The following C12orf42 variants were observed in gnomAD, a reference collection of about 807,000 sequenced individuals.
C12orf42 encodes chromosome 12 open reading frame 42, also known as uncharacterized protein C12orf42.
A neutral mutation model predicts 21.6 loss-of-function variants in C12orf42; 25 were observed. That is an observed-to-expected ratio of 1.16 (90% CI 0.84 to 1.62). The LOEUF (loss-of-function observed/expected upper bound fraction) is 1.62, where lower values mean the gene tolerates loss of function less well. Among genes scored for constraint, C12orf42 ranks in the 40% most tolerant of loss-of-function variants. The probability of loss-of-function intolerance (pLI) is 0.00; values close to 1 mark genes in which losing one functional copy is unlikely to be tolerated. For missense variants in C12orf42, 483 were observed against 459.3 expected (o/e 1.05, Z -0.47); for synonymous variants, 174 against 175.0 (o/e 0.99, Z 0.05).
chr12:103,369,634 T>C (rs1347634296), intron 3 of C12orf42, among the ~76,000 whole-genome samples: 1 of 151,800 alleles, frequency 6.6e-6, no homozygotes, highest in African/African-American at 2.4e-5. Context: ...CTTTGTCACC[T>C]TGAAATGGCA....
At chr12:103,115,548 C>T in the C12orf42 span, among the ~76,000 whole-genome samples, 1 of 152,178 alleles carries the variant, frequency 6.6e-6, no homozygotes. Flanking sequence ...TAGTTTTGGC[C>T]TTAGTACTCA....
downstream of C12orf42, among the ~76,000 whole-genome samples, chr12:103,299,758 A>G (rs1593327427): frequency 6.6e-6 from 1 of 152,220 alleles, no homozygotes; most frequent in East Asian, 1.9e-4. Flanking sequence ...GGTATTGGGA[A>G]AGAATTCACT....
intron 5 of C12orf42, chr12:103,270,354 A>C (rs1047621541): frequency 6.9e-6 from 1 of 145,110 alleles, no homozygotes; most frequent in Non-Finnish European, 1.5e-5. Flanking sequence ...GTAAGGAGGG[A>C]AGGAAGGAAG....
intron 1 of C12orf42, among the ~76,000 whole-genome samples, chr12:103,492,921 C>T (rs1955272671): frequency 6.6e-6 from 1 of 152,206 alleles, no homozygotes; most frequent in African/African-American, 2.4e-5. Flanking sequence ...CCTCTTCACC[C>T]CACGCAAGCA....
At chr12:103,429,447 C>T (rs1180333455) in intron 2 of C12orf42, among the ~76,000 whole-genome samples, 5 of 152,138 alleles carry the variant, frequency 3.3e-5, no homozygotes, top group Non-Finnish European at 7.3e-5. Context: ...GAACTACAAA[C>T]CATTGCTCAA....
chr12:103,158,047 TAAG>T, the C12orf42 span, among the ~76,000 whole-genome samples: 1 of 152,192 alleles, frequency 6.6e-6, no homozygotes, highest in South Asian at 2.1e-4. Context: ...AAGAGGATAT[TAAG>T]AAACAATAAA....
chr12:103,354,120 C>T (rs1017114191), intron 4 of C12orf42, among the ~76,000 whole-genome samples: 1 of 152,142 alleles, frequency 6.6e-6, no homozygotes, highest in African/African-American at 2.4e-5. Flanking sequence ...GTCATCTGCA[C>T]AAAACCTCTG....
At position 103,385,846 on chromosome 12, in the gene C12orf42, A is replaced by G. The variant is rs76892247; in HGVS notation, c.147+15761T>C. On this transcript the variant is annotated intron_variant, in intron 3 of 5. Coordinates refer to ENST00000548883, the MANE Select transcript of C12orf42 (RefSeq NM_198521.5). The stretch of plus-strand genomic sequence containing the variant: ...TACCCTCACACTTTGCTTAAAATCA[A>G]CCTTTGGTGATGGATATAAAGAGAA... Among the ~76,000 whole-genome samples the G allele has an allele frequency of 4.1e-3, 627 of 152,304 alleles. 7 individuals are homozygous for G. Among genetic ancestry groups the G allele is most frequent in the African/African-American group, 0.014 (588 of 41,570 alleles).
chr12:103,159,190 A>T, the C12orf42 span, among the ~76,000 whole-genome samples: 1 of 152,196 alleles, frequency 6.6e-6, no homozygotes. Flanking sequence ...CATAAAGGCT[A>T]CAATTAGACT....
At chr12:103,093,658 C>T in the C12orf42 span, among the ~76,000 whole-genome samples, 1 of 152,130 alleles carries the variant, frequency 6.6e-6, no homozygotes, top group Non-Finnish European at 1.5e-5. Context: ...GCCTGCATTC[C>T]TGGGGACAGA....
At chr12:103,382,711 G>A (rs12369026) in intron 3 of C12orf42, among the ~76,000 whole-genome samples, 23,087 of 152,222 alleles carry the variant, frequency 0.15, 1,992 homozygotes, top group South Asian at 0.22. Flanking sequence ...CTAAAGGACA[G>A]TTAATCATTC....
the C12orf42 span, among the ~76,000 whole-genome samples, chr12:103,122,825 C>G: frequency 6.6e-6 from 1 of 152,030 alleles, no homozygotes; most frequent in Non-Finnish European, 1.5e-5. Flanking sequence ...GTTAGGGAGT[C>G]CTTGGAGGAT....
chr12:103,089,423 G>A, the C12orf42 span, among the ~76,000 whole-genome samples: 1 of 152,180 alleles, frequency 6.6e-6, no homozygotes, highest in Non-Finnish European at 1.5e-5. Flanking sequence ...GAACACTTAG[G>A]AAAATAAATA....
the C12orf42 span, among the ~76,000 whole-genome samples, chr12:103,546,867 A>G: frequency 6.6e-6 from 1 of 152,222 alleles, no homozygotes; most frequent in Admixed American, 6.5e-5. Context: ...GAGAAAAGGA[A>G]CATCTTTGTC....
chr12:103,485,668 T>C (rs948324069), intron 1 of C12orf42, among the ~76,000 whole-genome samples: 11 of 152,230 alleles, frequency 7.2e-5, no homozygotes, highest in African/African-American at 2.7e-4. Flanking sequence ...TTTGTAGTTC[T>C]CCTCAAAGAG....
At chr12:103,434,692 C>T (rs902230341) in intron 2 of C12orf42, among the ~76,000 whole-genome samples, 2 of 152,190 alleles carry the variant, frequency 1.3e-5, no homozygotes, top group African/African-American at 4.8e-5. Context: ...GCTTTTCGGA[C>T]CGGCTTAAAA....
intron 2 of C12orf42, among the ~76,000 whole-genome samples, chr12:103,469,583 G>A (rs1194805162): frequency 6.6e-6 from 1 of 152,168 alleles, no homozygotes; most frequent in East Asian, 1.9e-4. Flanking sequence ...GACAATATAG[G>A]TGATTTCCAT....
rs923067597 is a variant in C12orf42, at chr12:103,321,326, C to T, written c.260-14981G>A. 6.6e-4 allele frequency among the ~76,000 whole-genome samples: 99 copies of T among 150,932 alleles called. 2 individuals carry two copies. The highest frequency in any genetic ancestry group is 2.1e-4 in the South Asian group (1 of 4,686). Reference sequence around the variant, plus strand: ...AAAACCACAATGAGATACCATCTCACGCCAGTTAGAATGGCAATCATTAAA... The same window carrying T: ...AAAACCACAATGAGATACCATCTCATGCCAGTTAGAATGGCAATCATTAAA... On this transcript the variant is annotated intron_variant, in intron 4 of 5. Transcript: ENST00000548883.
the C12orf42 span, among the ~76,000 whole-genome samples, chr12:103,100,685 G>T: frequency 0.57 from 87,253 of 151,942 alleles, 26,803 homozygotes; most frequent in African/African-American, 0.78. Context: ...TAATTAGAGT[G>T]TGTGGGCAGA....
Sources: gnomAD v4.1 joint callset for allele counts (sites outside exome capture counted in the v4.1 genomes callset) on GRCh38, gnomAD v4.1.1 for gene constraint, MANE v1.5 for transcripts, NCBI Gene and HGNC (gene_info 2026-07-23, HGNC 2026-07-21) for gene names.